Variants in DMD observed in about 807,000 individuals in gnomAD.
DMD encodes mutant dystrophin.
In DMD, 63 loss-of-function variants were observed where a neutral mutation model predicts 330.1. The observed-to-expected ratio is 0.19, with a 90% CI of 0.16 to 0.24. The LOEUF (loss-of-function observed/expected upper bound fraction) is 0.24, where lower values mean the gene tolerates loss of function less well. Ranked by LOEUF, DMD falls within the 10% of genes least tolerant of loss-of-function variation. DMD has a pLI of 1.00. For synonymous variants in DMD, 1,223 were observed against 959.8 expected (o/e 1.27, Z -5.07); for missense variants, 3,344 against 2,684.1 (o/e 1.25, Z -5.43).
At chrX:32,010,539 C>T (rs995853522) in intron 44 of DMD, among the ~76,000 whole-genome samples, 12 of 111,856 alleles carry the variant, frequency 1.1e-4, no homozygotes, top group African/African-American at 3.2e-5. Flanking sequence ...TTCTCTACAA[C>T]TTTTGCTGAA....
chrX:31,391,396 T>G (rs941247271), intron 60 of DMD, among the ~76,000 whole-genome samples: 1 of 110,800 alleles, frequency 9.0e-6, no homozygotes, highest in Non-Finnish European at 1.9e-5. Context: ...CATGAGCCAC[T>G]GCGCCTGGAG....
intron 49 of DMD, among the ~76,000 whole-genome samples, chrX:31,831,884 G>C (rs1206489854): frequency 8.9e-6 from 1 of 112,480 alleles, no homozygotes; most frequent in Non-Finnish European, 1.9e-5. Context: ...TTACAGGCGC[G>C]AGCCACCGCG....
intron 61 of DMD, among the ~76,000 whole-genome samples, chrX:31,331,592 C>A (rs1214065913): frequency 1.8e-5 from 2 of 111,852 alleles, no homozygotes; most frequent in African/African-American, 6.5e-5. Flanking sequence ...ATAATTTATG[C>A]TCAAGGAATT....
intron 1 of DMD, among the ~76,000 whole-genome samples, chrX:33,089,135 G>A (rs1225094683): frequency 7.0e-5 from 7 of 100,386 alleles, no homozygotes; most frequent in Admixed American, 4.6e-4. Flanking sequence ...TCACGATCTC[G>A]GCTCACTGCA....
chrX:31,381,903 G>C (rs1466033329), intron 60 of DMD, among the ~76,000 whole-genome samples: 1 of 111,374 alleles, frequency 9.0e-6, no homozygotes, highest in African/African-American at 3.3e-5. Flanking sequence ...CATCAAGTTC[G>C]AGGATTTGCC....
At position 32,144,410 on chromosome X, in the gene DMD, C is replaced by T. The variant is rs749150379; in HGVS notation, c.6438+72506G>A. ...TCCTCAGCATGTATATTACAGAGAACCTGTTACAGAGACATTATCAAGGCC... is the reference window on the plus strand; with the variant it reads ...TCCTCAGCATGTATATTACAGAGAATCTGTTACAGAGACATTATCAAGGCC... On this transcript the variant is annotated intron_variant, in intron 44 of 78. Coordinates refer to ENST00000357033, the MANE Select transcript of DMD (RefSeq NM_004006.3). Among the ~76,000 whole-genome samples, 6 of 111,811 alleles carry T rather than the reference C, an allele frequency of 5.4e-5. No homozygotes were observed. In the East Asian group the frequency reaches 1.4e-3, roughly 26 times the overall value.
At chrX:32,299,360 T>G (rs1354784647) in intron 42 of DMD, among the ~76,000 whole-genome samples, 1 of 110,748 alleles carries the variant, frequency 9.0e-6, no homozygotes, top group Non-Finnish European at 1.9e-5. Context: ...CATCTTTTTT[T>G]CCAGGAAAAA....
chrX:31,965,926 A>AT (rs970071585), intron 45 of DMD, among the ~76,000 whole-genome samples: 13 of 111,032 alleles, frequency 1.2e-4, no homozygotes, highest in Admixed American at 3.8e-4. Context: ...AACTTTTGAG[A>AT]TTTTTTTTCC....
intron 48 of DMD, among the ~76,000 whole-genome samples, chrX:31,858,389 C>T (rs1273825918): frequency 9.0e-6 from 1 of 110,899 alleles, no homozygotes; most frequent in Non-Finnish European, 1.9e-5. Context: ...TAAAACCCTT[C>T]AGAATGTTAC....
intron 44 of DMD, among the ~76,000 whole-genome samples, chrX:32,013,994 T>A (rs187700808): frequency 4.0e-4 from 45 of 112,198 alleles, no homozygotes; most frequent in Non-Finnish European, 6.2e-4. Flanking sequence ...ACAAGTTCAA[T>A]TTAATGTATA....
At chrX:32,349,084 G>A (rs1019955688) in intron 37 of DMD, among the ~76,000 whole-genome samples, 11 of 111,430 alleles carry the variant, frequency 9.9e-5, no homozygotes, top group Non-Finnish European at 1.7e-4. Flanking sequence ...GGTTGGTGAT[G>A]CAAATAAATT....
intron 7 of DMD, among the ~76,000 whole-genome samples, chrX:32,713,469 G>A (rs902377566): frequency 4.5e-5 from 5 of 111,314 alleles, no homozygotes; most frequent in African/African-American, 1.6e-4. Context: ...TAGTATCTGA[G>A]TTCTACCAAC....
At chrX:32,168,467 G>A (rs1482510069) in intron 44 of DMD, among the ~76,000 whole-genome samples, 5 of 103,316 alleles carry the variant, frequency 4.8e-5, no homozygotes, top group Non-Finnish European at 7.8e-5. Flanking sequence ...CTTTGGAAGA[G>A]TTTAAGCAGT....
At chrX:32,699,667 A>C (rs72470519) in intron 7 of DMD, among the ~76,000 whole-genome samples, 7,427 of 111,516 alleles carry the variant, frequency 0.067, 613 homozygotes, top group African/African-American at 0.23. Context: ...GTCAATTCAA[A>C]TGGTGCACTG....
chrX:33,015,044 G>A (rs2093774313), intron 2 of DMD, among the ~76,000 whole-genome samples: 1 of 111,363 alleles, frequency 9.0e-6, no homozygotes, highest in Admixed American at 9.6e-5. Context: ...CGGAGAAAAT[G>A]GAACACTTAT....
chrX:31,544,844 G>A (rs181192255), intron 55 of DMD, among the ~76,000 whole-genome samples: 102 of 111,329 alleles, frequency 9.2e-4, no homozygotes, highest in African/African-American at 3.2e-3. Flanking sequence ...TTCTAAACAA[G>A]CAGGTTTCGG....
intron 7 of DMD, among the ~76,000 whole-genome samples, chrX:32,730,416 AAT>A (rs1229375023): frequency 8.9e-6 from 1 of 112,276 alleles, no homozygotes; most frequent in Non-Finnish European, 1.9e-5. Context: ...TGAGTTTTAA[AAT>A]ATGTCAGGTA....
In DMD at chrX:32,573,746, T is replaced by A; in HGVS notation, c.1703A>T (p.Gln568Leu). 13 of 1,210,148 alleles carry A rather than the reference T, an allele frequency of 1.1e-5. No homozygotes were observed. The highest frequency in any genetic ancestry group is 1.2e-5 in the Non-Finnish European group (11 of 894,042). ...GCTAGTTTCTCACACATGACACACC[T>A]GTTCTTCAGTAAGACGTTGCCATTT... ...LLKWQRLTEEQCLFSAWLSEK... is the reference protein window; with the variant it reads ...LLKWQRLTEELCLFSAWLSEK... The change falls in exon 14 of 79, where the codon CAG (glutamine) becomes CTG (leucine). Residue 568 changes from glutamine (Q) to leucine (L), a missense_variant and splice_region_variant. Gln to Leu is a moderately radical substitution (Grantham distance 113, BLOSUM62 -2). Transcript: ENST00000357033.
intron 30 of DMD, among the ~76,000 whole-genome samples, chrX:32,394,486 T>G (rs1201012811): frequency 8.9e-6 from 1 of 112,253 alleles, no homozygotes; most frequent in Non-Finnish European, 1.9e-5. Flanking sequence ...TCTTCAGTAG[T>G]CAACTACATT....
Sources: gnomAD v4.1 joint callset for allele counts (sites outside exome capture counted in the v4.1 genomes callset) on GRCh38, gnomAD v4.1.1 for gene constraint, MANE v1.5 for transcripts, NCBI Gene and HGNC (gene_info 2026-07-23, HGNC 2026-07-21) for gene names.